ACOX1: variants seen among roughly 807,000 people sequenced by gnomAD.
The protein encoded by ACOX1 is peroxisomal acyl-coenzyme A oxidase 1.
ACOX1 carries 41 observed loss-of-function variants against 75.5 expected under a neutral mutation model. The ratio of observed to expected loss-of-function variants is 0.54; its 90% CI spans 0.42 to 0.70. The LOEUF (loss-of-function observed/expected upper bound fraction) is 0.70. Among genes scored for constraint, ACOX1 ranks in the 30% least tolerant of loss-of-function variants. The pLI is 0.00. For missense variants in ACOX1, 630 were observed against 837.5 expected, an observed-to-expected ratio of 0.75 and a Z score of 3.06; for synonymous variants, 303 against 298.8, an observed-to-expected ratio of 1.01 and a Z score of -0.15.
At chr17:75,961,110 T>A (rs1168809710) in intron 2 of ACOX1, among the ~76,000 whole-genome samples, 1 of 151,720 alleles carries the variant, frequency 6.6e-6, no homozygotes, top group Non-Finnish European at 1.5e-5. Flanking sequence ...CTGGCCAACA[T>A]GGCGAAACCC....
chr17:75,956,993 A>C (rs1598182422), intron 4 of ACOX1, among the ~76,000 whole-genome samples: 7 of 131,082 alleles, frequency 5.3e-5, no homozygotes, highest in East Asian at 5.1e-4. Flanking sequence ...ATATATATAT[A>C]TATATATATA....
chr17:75,950,004 A>G lies in ACOX1; in HGVS notation c.1299-107T>C. 3.3e-6 allele frequency: 4 copies of G among 1,229,430 alleles called. No homozygotes were observed. Among genetic ancestry groups the G allele is most frequent in the Non-Finnish European group, 4.6e-6 (4 of 861,230 alleles). The allele number at this position is 1,229,430 out of a possible 1,614,324, so 76.2% of individuals were successfully genotyped here. On this transcript the variant is annotated intron_variant, in intron 9 of 13. Coordinates refer to ENST00000293217, the MANE Select transcript of ACOX1 (RefSeq NM_004035.7). This position sits in a 1 kb window ranked among gnomAD's most constrained non-coding sequence, Gnocchi z 4.3. ...AGGCTGGATGGAGTGCAATGGCCAGATCTCAGCTCACTGCAACCTCCTCCT... is the reference window on the plus strand; with the variant it reads ...AGGCTGGATGGAGTGCAATGGCCAGGTCTCAGCTCACTGCAACCTCCTCCT...
intron 2 of ACOX1, among the ~76,000 whole-genome samples, chr17:75,972,640 T>C (rs1715401765): frequency 8.1e-6 from 1 of 123,672 alleles, no homozygotes; most frequent in African/African-American, 3.9e-5. Context: ...AGCAAAACTC[T>C]GTCTCAAAAA....
Position 75,978,727 on chromosome 17 carries a change from C to G in ACOX1, c.110-34G>C. ...GGGTTAAAGGGCATTAAAAGGCAGA[C>G]AGACACTCGGGCCTCCGTTCCACCC... On this transcript the variant is annotated intron_variant, in intron 1 of 13. Coordinates refer to ENST00000293217, the MANE Select transcript of ACOX1 (RefSeq NM_004035.7). The surrounding 1 kb of genome is among the most constrained non-coding windows in gnomAD (Gnocchi z 4.2). 1 of 1,605,330 alleles carries G rather than the reference C, an allele frequency of 6.2e-7. No individual in the cohort carries two copies. Among genetic ancestry groups the G allele is most frequent in the Non-Finnish European group, 8.5e-7 (1 of 1,179,932 alleles).
At position 75,973,608 on chromosome 17, in the gene ACOX1, C is replaced by G. The variant is rs758384941; in HGVS notation, c.269+4926G>C. Reference sequence around the variant, plus strand: ...GTCCTGAGGTGGGTTACCCACAGACCCTCAATGTGGACTAACCGTGGCCCA... The same window carrying G: ...GTCCTGAGGTGGGTTACCCACAGACGCTCAATGTGGACTAACCGTGGCCCA... On this transcript the variant is annotated intron_variant, in intron 2 of 13. Coordinates refer to ENST00000293217, the MANE Select transcript of ACOX1 (RefSeq NM_004035.7). 3 of 1,613,982 alleles carry G rather than the reference C, an allele frequency of 1.9e-6. No homozygotes were observed. In the Admixed American group the frequency reaches 5.0e-5, roughly 27 times the overall value.
intron 2 of ACOX1, among the ~76,000 whole-genome samples, chr17:75,968,435 C>CACAAAAAA (rs2065960640): frequency 4.8e-5 from 1 of 21,008 alleles, no homozygotes; most frequent in African/African-American, 3.8e-4. Context: ...GACTCCGTCT[C>CACAAAAAA]AAAAAAAAAA....
At chr17:75,965,337 C>CAAAAAAAAAAAAAAAAAAAAAA (rs11293371) in intron 2 of ACOX1, among the ~76,000 whole-genome samples, 57 of 81,686 alleles carry the variant, frequency 7.0e-4, no homozygotes, top group Non-Finnish European at 9.4e-4. Context: ...GACTCTGTCT[C>CAAAAAAAAAAAAAAAAAAAAAA]AAAAAAAAAA....
At chr17:75,965,282 G>A (rs967589740) in intron 2 of ACOX1, among the ~76,000 whole-genome samples, 1 of 145,624 alleles carries the variant, frequency 6.9e-6, no homozygotes, top group African/African-American at 2.6e-5. Flanking sequence ...AGCTGGCAGT[G>A]AGCCGAGATC....
At chr17:75,971,506 C>CT (rs1232506369) in intron 2 of ACOX1, among the ~76,000 whole-genome samples, 1 of 151,882 alleles carries the variant, frequency 6.6e-6, no homozygotes, top group Non-Finnish European at 1.5e-5. Flanking sequence ...CTTTGGGAGG[C>CT]TGAGACAGGT....
intron 2 of ACOX1, among the ~76,000 whole-genome samples, chr17:75,976,488 AAACAC>A (rs1265082281): frequency 6.6e-6 from 1 of 152,210 alleles, no homozygotes; most frequent in Non-Finnish European, 1.5e-5. Flanking sequence ...TCAAATTTAC[AAACAC>A]AACACAGGTA....
chr17:75,967,573 A>C (rs113870088), intron 2 of ACOX1, among the ~76,000 whole-genome samples: 35 of 148,794 alleles, frequency 2.4e-4, no homozygotes, highest in African/African-American at 7.8e-4. Context: ...ACGTTTAGCA[A>C]AGCAGAAAAT....
At chr17:75,976,961 T>C (rs2066055884) in intron 2 of ACOX1, among the ~76,000 whole-genome samples, 1 of 150,828 alleles carries the variant, frequency 6.6e-6, no homozygotes, top group Non-Finnish European at 1.5e-5. Flanking sequence ...GATCATGTAA[T>C]AGTGTTTGTT....
intron 10 of ACOX1, 43 bp from the exon 11 acceptor site, chr17:75,949,643 T>TA: frequency 6.2e-7 from 1 of 1,612,556 alleles, no homozygotes; most frequent in Non-Finnish European, 8.5e-7. Context: ...TGATCAACAG[T>TA]ACTCATGCCT....
chr17:75,973,607 C>A, intron 2 of ACOX1: 2 of 1,613,996 alleles, frequency 1.2e-6, no homozygotes, highest in Non-Finnish European at 1.7e-6. Context: ...TACCCACAGA[C>A]CCTCAATGTG....
intron 6 of ACOX1, among the ~76,000 whole-genome samples, chr17:75,954,014 C>T (rs1045216000): frequency 5.3e-5 from 8 of 151,962 alleles, no homozygotes; most frequent in African/African-American, 1.7e-4. Context: ...GTCAGGAATT[C>T]GAGACCAGCC....
intron 6 of ACOX1, 109 bp from the exon 7 acceptor site, chr17:75,953,729 C>T: frequency 7.6e-7 from 1 of 1,315,030 alleles, no homozygotes; most frequent in Non-Finnish European, 1.1e-6. Context: ...CACCTGGCAA[C>T]TTGCATGAAA....
chr17:75,949,408 T>C, intron 11 of ACOX1, 48 bp from the exon 12 acceptor site: 1 of 1,613,354 alleles, frequency 6.2e-7, no homozygotes, highest in Non-Finnish European at 8.5e-7. Context: ...TGGAAAAAGA[T>C]TCAATATACA....
rs1007137245 is a variant in ACOX1 at position 75,958,756 on chromosome 17, T to C, written c.431-1190A>G. Reference sequence around the variant, plus strand: ...CCGGAAGGTGGAGCTTGCAGTGAGCTGAGATCGCGCCACTGCACTCCAGCC... The same window carrying C: ...CCGGAAGGTGGAGCTTGCAGTGAGCCGAGATCGCGCCACTGCACTCCAGCC... On this transcript the variant is annotated intron_variant, in intron 3 of 13. Transcript: ENST00000293217. Among the ~76,000 whole-genome samples, 19 of 143,476 alleles carry C rather than the reference T, an allele frequency of 1.3e-4. No homozygotes were observed. In the East Asian group the frequency reaches 1.4e-3, roughly 11 times the overall value. The allele number at this position is 143,476 out of a possible 152,430, so 94.1% of individuals were successfully genotyped here. A position where few individuals can be genotyped will look rare whatever the true frequency, so the allele number is the denominator to read the frequency against.
At chr17:75,949,643 T>G in intron 10 of ACOX1, 43 bp from the exon 11 acceptor site, 1 of 1,612,556 alleles carries the variant, frequency 6.2e-7, no homozygotes, top group Non-Finnish European at 8.5e-7. Context: ...TGATCAACAG[T>G]ACTCATGCCT....
Sources: allele counts gnomAD v4.1 joint callset (sites outside exome capture counted in the v4.1 genomes callset), GRCh38; gene constraint gnomAD v4.1.1; non-coding constraint Gnocchi (gnomAD v3.1); transcripts MANE v1.5; gene names NCBI Gene and HGNC (gene_info 2026-07-23, HGNC 2026-07-21).